The following FOCAD variants were observed in gnomAD, a reference collection of about 807,000 sequenced individuals.
FOCAD encodes the protein focadhesin, also known as KIAA1797.
FOCAD carries 198 observed loss-of-function variants against 225.6 expected under a neutral mutation model. The observed-to-expected ratio is 0.88, with a 90% CI of 0.78 to 0.99. The LOEUF (loss-of-function observed/expected upper bound fraction) is 0.99, where lower values mean the gene tolerates loss of function less well. Ranked by LOEUF, FOCAD falls within the 50% of genes least tolerant of loss-of-function variation. The pLI is 0.00. For synonymous variants in FOCAD, 897 were observed against 755.0 expected, an observed-to-expected ratio of 1.19 and a Z score of -3.08; for missense variants, 2,713 against 2,123.6, an observed-to-expected ratio of 1.28 and a Z score of -5.46.
rs191224756 is a variant in FOCAD at position 20,946,575 on chromosome 9, A to G, written c.3556-126A>G. On this transcript the variant is annotated intron_variant, in intron 29 of 43. Coordinates refer to ENST00000338382, the MANE Select transcript of FOCAD (RefSeq NM_001375567.1). ...TAGGCAGAAAAACAGTGCCCAATCC[A>G]TGGTAAATGTATGTGAATCCAATTC... The G allele has an allele frequency of 8.5e-4, 850 of 998,882 alleles. 1 individual carries two copies. The African/African-American group carries it at 0.012, about 15-fold the overall frequency. The allele number at this position is 998,882 out of a possible 1,614,324, so 61.9% of individuals were successfully genotyped here. A position where few individuals can be genotyped will look rare whatever the true frequency, so the allele number is the denominator to read the frequency against.
Position 20,720,065 on chromosome 9 carries a change from G to A in FOCAD, c.133-315G>A, listed in dbSNP as rs1049818712. On this transcript the variant is annotated intron_variant, in intron 3 of 43. Coordinates refer to ENST00000338382, the MANE Select transcript of FOCAD (RefSeq NM_001375567.1). ...TATTAGTGTCTGGTTAAATTGTTTG[G>A]TTAGAGCAATGTGCTAGAGCCAAGT... Among the ~76,000 whole-genome samples, 4 of 152,210 alleles carry A rather than the reference G, an allele frequency of 2.6e-5. No individual in the cohort carries two copies. In the South Asian group the frequency reaches 6.2e-4, roughly 24 times the overall value.
chr9:20,833,907 C>G (rs550007723), intron 15 of FOCAD, among the ~76,000 whole-genome samples: 1 of 152,098 alleles, frequency 6.6e-6, no homozygotes, highest in South Asian at 2.1e-4. Flanking sequence ...TGTAAATGTA[C>G]AACTACTGTG....
chr9:20,882,635 C>T lies in FOCAD; in HGVS notation c.2503+579C>T, dbSNP rs562093479. Among the ~76,000 whole-genome samples, 21 of 152,322 alleles carry T rather than the reference C, an allele frequency of 1.4e-4. No individual in the cohort carries two copies. The East Asian group carries it at 3.9e-3, about 28-fold the overall frequency. On this transcript the variant is annotated intron_variant, in intron 20 of 43. Transcript: ENST00000338382. ...TGGGTGAACTTACTAATTCTGGCCA[C>T]AGCTGGAATCTGAGCATTCAGCCTC... is the stretch of plus-strand genomic sequence containing the variant.
Position 20,840,218 on chromosome 9 carries a change from G to A in FOCAD, c.1920+17103G>A, listed in dbSNP as rs571111702. On this transcript the variant is annotated intron_variant, in intron 15 of 43. Transcript: ENST00000338382. Reference sequence around the variant, plus strand: ...AAGAATGTCTTTGTTATTTTGATAGGGATTGCAATAAATTTATAGATTTCT... The same window carrying A: ...AAGAATGTCTTTGTTATTTTGATAGAGATTGCAATAAATTTATAGATTTCT... 2.0e-4 allele frequency among the ~76,000 whole-genome samples: 31 copies of A among 151,780 alleles called. 1 individual carries two copies. Among genetic ancestry groups the A allele is most frequent in the Non-Finnish European group, 4.4e-4 (30 of 67,882 alleles).
chr9:20,720,844 A>G (rs1325497273), intron 4 of FOCAD, among the ~76,000 whole-genome samples: 1 of 152,238 alleles, frequency 6.6e-6, no homozygotes, highest in Non-Finnish European at 1.5e-5. Flanking sequence ...CATTTTAAGA[A>G]AGAAGGTTGT....
At chr9:20,712,189 A>G (rs1824904667) in intron 1 of FOCAD, among the ~76,000 whole-genome samples, 2 of 152,156 alleles carry the variant, frequency 1.3e-5, no homozygotes, top group Admixed American at 1.3e-4. Flanking sequence ...CCTGTGAGGC[A>G]TCTAAAACTT....
At chr9:20,914,394 C>T (rs143645721) in intron 23 of FOCAD, among the ~76,000 whole-genome samples, 2 of 152,112 alleles carry the variant, frequency 1.3e-5, no homozygotes, top group African/African-American at 4.8e-5. Context: ...GAAGTTGATT[C>T]ATGGAAGAAA....
At chr9:20,739,227 A>G (rs1156334528) in intron 4 of FOCAD, among the ~76,000 whole-genome samples, 1 of 152,236 alleles carries the variant, frequency 6.6e-6, no homozygotes, top group Non-Finnish European at 1.5e-5. Flanking sequence ...TATGTTCTGA[A>G]GTAAGTGACA....
intron 1 of FOCAD, among the ~76,000 whole-genome samples, chr9:20,684,934 G>A (rs1822570567): frequency 6.6e-6 from 1 of 152,230 alleles, no homozygotes; most frequent in Admixed American, 6.5e-5. Context: ...GCTAACGCGT[G>A]GAGACGTGCA....
At chr9:20,942,001 A>G (rs1318017111) in intron 28 of FOCAD, among the ~76,000 whole-genome samples, 1 of 152,216 alleles carries the variant, frequency 6.6e-6, no homozygotes, top group African/African-American at 2.4e-5. Context: ...TAGAAATCAG[A>G]GGGAAATCAG....
At chr9:20,936,150 A>C (rs983373241) in intron 28 of FOCAD, among the ~76,000 whole-genome samples, 3 of 152,182 alleles carry the variant, frequency 2.0e-5, no homozygotes, top group African/African-American at 7.2e-5. Flanking sequence ...TCAGGCATGA[A>C]TCCTCTGGTG....
intron 15 of FOCAD, among the ~76,000 whole-genome samples, chr9:20,850,346 C>T (rs1177050466): frequency 1.3e-5 from 2 of 151,388 alleles, no homozygotes; most frequent in African/African-American, 2.4e-5. Flanking sequence ...GGTACAAGTG[C>T]AGGATTGTCA....
chr9:20,674,044 T>A (rs1355149482), intron 2 of FOCAD, among the ~76,000 whole-genome samples: 1 of 152,218 alleles, frequency 6.6e-6, no homozygotes, highest in Non-Finnish European at 1.5e-5. Context: ...AGGCACTGGG[T>A]CTATCTGTAG....
intron 5 of FOCAD, among the ~76,000 whole-genome samples, chr9:20,746,990 G>A (rs561679873): frequency 6.6e-6 from 1 of 152,224 alleles, no homozygotes; most frequent in South Asian, 2.1e-4. Context: ...CCCCTCATTG[G>A]GGATTTTAAT....
At chr9:20,856,716 C>T (rs1828220139) in intron 15 of FOCAD, among the ~76,000 whole-genome samples, 2 of 151,710 alleles carry the variant, frequency 1.3e-5, no homozygotes, top group South Asian at 4.2e-4. Flanking sequence ...GTAGTTTCAT[C>T]CTTTCAGGTG....
At chr9:20,928,750 T>A (rs1835187732) in intron 26 of FOCAD, among the ~76,000 whole-genome samples, 1 of 152,206 alleles carries the variant, frequency 6.6e-6, no homozygotes, top group Non-Finnish European at 1.5e-5. Flanking sequence ...TTTTAGGATT[T>A]CAACTTCCTT....
chr9:20,922,319 C>G (rs916009726), intron 24 of FOCAD, among the ~76,000 whole-genome samples: 1 of 150,670 alleles, frequency 6.6e-6, no homozygotes, highest in African/African-American at 2.4e-5. Flanking sequence ...TTTGACAGGC[C>G]TTATAGAGGA....
At chr9:20,771,788 C>G (rs981722844) in intron 8 of FOCAD, among the ~76,000 whole-genome samples, 4 of 152,090 alleles carry the variant, frequency 2.6e-5, no homozygotes, top group Non-Finnish European at 5.9e-5. Context: ...AATTATTTCT[C>G]AAAGTTCTGA....
At position 20,822,323 on chromosome 9, in the gene FOCAD, TAAAAG is replaced by T. The variant is rs1188071889; in HGVS notation, c.1794-659_1794-655del. On this transcript the variant is annotated intron_variant, in intron 14 of 43. Coordinates refer to ENST00000338382, the MANE Select transcript of FOCAD (RefSeq NM_001375567.1). ...ATTTCATCAATTTACATTTTGTTAA[TAAAAG>T]AAAAGATATTATTGAAAGGAAACAA... 2.6e-5 allele frequency among the ~76,000 whole-genome samples: 4 copies of T among 152,014 alleles called. No individual in the cohort carries two copies. The South Asian group carries it at 6.2e-4, about 24-fold the overall frequency.
Sources: gnomAD v4.1 joint callset for allele counts (sites outside exome capture counted in the v4.1 genomes callset) on GRCh38, gnomAD v4.1.1 for gene constraint, MANE v1.5 for transcripts, NCBI Gene and HGNC (gene_info 2026-07-23, HGNC 2026-07-21) for gene names.